The following CCSER1 variants were observed in gnomAD, a reference collection of about 807,000 sequenced individuals.
The protein encoded by CCSER1 is coiled-coil serine rich protein 1, also known as serine-rich coiled-coil domain-containing protein 1.
A neutral mutation model predicts 82.0 loss-of-function variants in CCSER1; 41 were observed. That is an observed-to-expected ratio of 0.50 (90% CI 0.39 to 0.65). CCSER1 has a LOEUF of 0.65. Ranked by LOEUF, CCSER1 falls within the 30% of genes least tolerant of loss-of-function variation. CCSER1 has a pLI of 0.00. For missense variants in CCSER1, 1,119 were observed against 1,064.2 expected (o/e 1.05, Z -0.72); for synonymous variants, 414 against 383.9 (o/e 1.08, Z -0.92).
intron 10 of CCSER1, among the ~76,000 whole-genome samples, chr4:91,321,398 T>C (rs980795316): frequency 2.6e-5 from 4 of 152,052 alleles, no homozygotes; most frequent in African/African-American, 9.7e-5. Flanking sequence ...GAAACATTTT[T>C]TTTAGAGGCT....
intron 9 of CCSER1, among the ~76,000 whole-genome samples, chr4:90,980,382 A>G (rs114309624): frequency 2.3e-3 from 356 of 151,970 alleles, no homozygotes; most frequent in African/African-American, 7.3e-3. Context: ...GTAGGAGATA[A>G]GTCATCTAAG....
chr4:91,412,200 T>C (rs567649197), intron 10 of CCSER1, among the ~76,000 whole-genome samples: 1 of 152,172 alleles, frequency 6.6e-6, no homozygotes, highest in East Asian at 1.9e-4. Flanking sequence ...TATCCCCCTG[T>C]AAATATATCT....
intron 10 of CCSER1, among the ~76,000 whole-genome samples, chr4:91,578,252 A>G (rs1679065133): frequency 6.6e-6 from 1 of 152,072 alleles, no homozygotes; most frequent in Non-Finnish European, 1.5e-5. Flanking sequence ...GTATATGTGT[A>G]TATAGTTCCC....
intron 10 of CCSER1, among the ~76,000 whole-genome samples, chr4:91,580,397 CTTTCT>C (rs1252985624): frequency 6.6e-6 from 1 of 151,736 alleles, no homozygotes; most frequent in Non-Finnish European, 1.5e-5. Flanking sequence ...ATTCTTTAAT[CTTTCT>C]TTTCTAACAA....
At chr4:90,246,070 A>G (rs1721351246) in intron 1 of CCSER1, among the ~76,000 whole-genome samples, 2 of 152,324 alleles carry the variant, frequency 1.3e-5, no homozygotes, top group Admixed American at 6.5e-5. Context: ...CAGTTGATCA[A>G]CTGACATCCT....
intron 1 of CCSER1, among the ~76,000 whole-genome samples, chr4:90,290,481 A>G (rs1340792003): frequency 6.6e-6 from 1 of 151,848 alleles, no homozygotes; most frequent in Non-Finnish European, 1.5e-5. Context: ...CACTCTGTCT[A>G]AGCTAGGATG....
chr4:91,431,632 T>A (rs2149394045), intron 10 of CCSER1, among the ~76,000 whole-genome samples: 1 of 152,120 alleles, frequency 6.6e-6, no homozygotes, highest in Admixed American at 6.5e-5. Flanking sequence ...CACGCCAGGC[T>A]AATTTTGTAT....
At chr4:91,205,744 C>T (rs1486737184) in intron 10 of CCSER1, among the ~76,000 whole-genome samples, 3 of 150,212 alleles carry the variant, frequency 2.0e-5, no homozygotes, top group Admixed American at 1.3e-4. Context: ...ACTCATGTTA[C>T]ATTCTCTATT....
chr4:91,306,377 T>C (rs754831438), intron 10 of CCSER1, among the ~76,000 whole-genome samples: 1 of 152,030 alleles, frequency 6.6e-6, no homozygotes, highest in African/African-American at 2.4e-5. Flanking sequence ...CAGATTCTTC[T>C]TCTGAAAAAA....
At chr4:91,542,659 C>G (rs539713747) in intron 10 of CCSER1, among the ~76,000 whole-genome samples, 55 of 152,232 alleles carry the variant, frequency 3.6e-4, no homozygotes, top group Non-Finnish European at 6.9e-4. Context: ...GCACTGTGGT[C>G]TGAGAGACAG....
At chr4:90,296,430 T>C (rs996401881) in intron 1 of CCSER1, among the ~76,000 whole-genome samples, 4 of 152,058 alleles carry the variant, frequency 2.6e-5, no homozygotes, top group Non-Finnish European at 4.4e-5. Flanking sequence ...AATTTTCTCC[T>C]ATTCTGTAGG....
At chr4:90,691,552 T>A (rs541963207) in intron 6 of CCSER1, among the ~76,000 whole-genome samples, 1 of 131,924 alleles carries the variant, frequency 7.6e-6, no homozygotes, top group Admixed American at 7.9e-5. Context: ...TGTGTACATA[T>A]CACATGTGTG....
chr4:90,234,107 G>C (rs1745266834), intron 1 of CCSER1, among the ~76,000 whole-genome samples: 2 of 151,816 alleles, frequency 1.3e-5, no homozygotes, highest in Non-Finnish European at 2.9e-5. Context: ...GGCAGCCTTT[G>C]TATTTCCAGA....
intron 1 of CCSER1, among the ~76,000 whole-genome samples, chr4:90,163,634 A>G (rs1729903477): frequency 6.6e-6 from 1 of 152,008 alleles, no homozygotes; most frequent in African/African-American, 2.4e-5. Flanking sequence ...AACAATGACA[A>G]GAGGTATTTT....
intron 10 of CCSER1, among the ~76,000 whole-genome samples, chr4:91,594,778 C>G (rs536362709): frequency 6.6e-6 from 1 of 152,092 alleles, no homozygotes; most frequent in East Asian, 1.9e-4. Context: ...TTAATTTATT[C>G]ATTCCATGTT....
At chr4:90,946,492 G>T (rs1053973430) in intron 9 of CCSER1, among the ~76,000 whole-genome samples, 4 of 151,974 alleles carry the variant, frequency 2.6e-5, no homozygotes, top group African/African-American at 9.7e-5. Flanking sequence ...TTAGCCAGGC[G>T]TGGTTCCAGG....
At chr4:91,437,482 T>G (rs1377509214) in intron 10 of CCSER1, among the ~76,000 whole-genome samples, 1 of 151,972 alleles carries the variant, frequency 6.6e-6, no homozygotes, top group Non-Finnish European at 1.5e-5. Flanking sequence ...ATGTTTAAAA[T>G]AATTAATATG....
intron 10 of CCSER1, among the ~76,000 whole-genome samples, chr4:91,117,122 C>G (rs577699498): frequency 2.0e-5 from 3 of 152,112 alleles, no homozygotes; most frequent in Non-Finnish European, 2.9e-5. Flanking sequence ...AAACAATCAG[C>G]CTTTAATGTT....
chr4:90,177,109 C>T (rs2153382697), intron 1 of CCSER1, among the ~76,000 whole-genome samples: 1 of 152,176 alleles, frequency 6.6e-6, no homozygotes, highest in East Asian at 1.9e-4. Flanking sequence ...ACAAACTGTG[C>T]ATCCAGGACA....
Sources: allele counts gnomAD v4.1 joint callset (sites outside exome capture counted in the v4.1 genomes callset), GRCh38; gene constraint gnomAD v4.1.1; transcripts MANE v1.5; gene names NCBI Gene and HGNC (gene_info 2026-07-23, HGNC 2026-07-21).